The following POLA1 variants were observed in gnomAD, a reference collection of about 807,000 sequenced individuals.
The protein encoded by POLA1 is DNA polymerase alpha catalytic subunit.
POLA1 carries 15 observed loss-of-function variants against 124.0 expected under a neutral mutation model. The observed-to-expected ratio is 0.12, with a 90% CI of 0.08 to 0.19. The LOEUF is 0.19. Among genes scored for constraint, POLA1 ranks in the 10% least tolerant of loss-of-function variants. The probability of loss-of-function intolerance (pLI) is 1.00; values close to 1 mark genes in which losing one functional copy is unlikely to be tolerated. For missense variants in POLA1, 886 were observed against 1,103.4 expected (o/e 0.80, Z 2.79); for synonymous variants, 408 against 389.4 (o/e 1.05, Z -0.56).
chrX:24,948,929 A>G (rs995517126), intron 36 of POLA1, among the ~76,000 whole-genome samples: 1 of 112,391 alleles, frequency 8.9e-6, no homozygotes, highest in African/African-American at 3.2e-5. Context: ...TAAAACTTGC[A>G]TATAAAATCA....
chrX:24,784,066 T>G (rs2045318102), intron 26 of POLA1, among the ~76,000 whole-genome samples: 1 of 94,905 alleles, frequency 1.1e-5, no homozygotes, highest in African/African-American at 3.9e-5. Context: ...TTTCTTTTTT[T>G]TTTTTTTTTT....
chrX:24,789,163 A>G lies in POLA1; in HGVS notation c.2965-20735A>G, dbSNP rs890279197. ...AGTAGTGGAAGTCCTAGGCAGAGCA[A>G]TTAGGCAAGAGAAAAAAGTAAAAGG... On this transcript the variant is annotated intron_variant, in intron 26 of 36. Coordinates refer to ENST00000379068, the MANE Select transcript of POLA1 (RefSeq NM_001330360.2). 13 of 824,373 alleles carry G rather than the reference A, an allele frequency of 1.6e-5. No homozygotes were observed. The African/African-American group carries it at 1.7e-4, about 10-fold the overall frequency. 67.9% of individuals were successfully genotyped at this position (824,373 alleles called of 1,213,427 possible).
chrX:24,805,519 A>G (rs1468043272), intron 26 of POLA1, among the ~76,000 whole-genome samples: 2 of 112,227 alleles, frequency 1.8e-5, no homozygotes, highest in Non-Finnish European at 3.8e-5. Flanking sequence ...AAGGCATTTT[A>G]TATAATAGGT....
At chrX:24,812,927 T>A in intron 29 of POLA1, 64 bp downstream of exon 29, 1 of 606,321 alleles carries the variant, frequency 1.6e-6, no homozygotes, top group Non-Finnish European at 2.7e-6. Flanking sequence ...GTGAATGATG[T>A]AGAGAATGCT....
At chrX:24,747,883 C>T (rs1165629148) in intron 24 of POLA1, among the ~76,000 whole-genome samples, 1 of 110,057 alleles carries the variant, frequency 9.1e-6, no homozygotes, top group Admixed American at 9.6e-5. Context: ...TACAGGCGCC[C>T]GCCACCGCGC....
At chrX:24,875,610 C>A (rs2046919738) in intron 34 of POLA1, among the ~76,000 whole-genome samples, 1 of 111,922 alleles carries the variant, frequency 8.9e-6, no homozygotes, top group Admixed American at 9.5e-5. Context: ...ATTGTGATTT[C>A]TCTATGCTGA....
At chrX:24,906,445 A>G (rs2047366895) in intron 35 of POLA1, among the ~76,000 whole-genome samples, 1 of 109,414 alleles carries the variant, frequency 9.1e-6, no homozygotes, top group African/African-American at 3.3e-5. Flanking sequence ...ATAAGTGGGT[A>G]TGTTCCCACT....
chrX:24,804,575 C>A (rs2045769052), intron 26 of POLA1, among the ~76,000 whole-genome samples: 1 of 111,913 alleles, frequency 8.9e-6, no homozygotes, highest in African/African-American at 3.2e-5. Flanking sequence ...CCTTACTCAA[C>A]ATTTTCTTAA....
At chrX:24,932,873 G>T (rs967356880) in intron 36 of POLA1, among the ~76,000 whole-genome samples, 1 of 111,839 alleles carries the variant, frequency 8.9e-6, no homozygotes, top group Non-Finnish European at 1.9e-5. Flanking sequence ...TTCAGATCAT[G>T]CAGTAATGCT....
chrX:24,874,750 C>CT (rs2046909816), intron 34 of POLA1, among the ~76,000 whole-genome samples: 1 of 111,583 alleles, frequency 9.0e-6, no homozygotes. Context: ...CACCTGGGAA[C>CT]TTGTTAGAGA....
chrX:24,789,168 G>T, intron 26 of POLA1: 2 of 806,361 alleles, frequency 2.5e-6, no homozygotes, highest in Non-Finnish European at 3.6e-6. Flanking sequence ...GAGCAATTAG[G>T]CAAGAGAAAA....
chrX:24,714,515 T>C (rs1298680211), intron 4 of POLA1, 39 bp from the exon 5 acceptor site: 2 of 843,983 alleles, frequency 2.4e-6, no homozygotes, highest in African/African-American at 4.0e-5. Context: ...ATTTTGATTT[T>C]TGCTGATGCA....
chrX:24,834,111 G>GAAA (rs34596461), intron 32 of POLA1, among the ~76,000 whole-genome samples: 3 of 71,417 alleles, frequency 4.2e-5, no homozygotes, highest in African/African-American at 5.3e-5. Flanking sequence ...GTCTCAGAAA[G>GAAA]AAAAAAAAAA....
intron 35 of POLA1, among the ~76,000 whole-genome samples, chrX:24,927,310 C>T (rs1427400512): frequency 9.0e-6 from 1 of 111,563 alleles, no homozygotes; most frequent in Non-Finnish European, 1.9e-5. Context: ...ATGAAGTTTG[C>T]GTTGTTTCTA....
In POLA1 at chrX:24,712,015, C is replaced by T. The variant is rs184632737; in HGVS notation, c.347-2539C>T. ...TCTACAGCCTTACTAACAGTGTTTT[C>T]AAGCTTTTGAATTTTTGCCACTCTG... is the stretch of plus-strand genomic sequence containing the variant. On this transcript the variant is annotated intron_variant, in intron 4 of 36. Coordinates refer to ENST00000379068, the MANE Select transcript of POLA1 (RefSeq NM_001330360.2). Among the ~76,000 whole-genome samples, 5 of 112,681 alleles carry T rather than the reference C, an allele frequency of 4.4e-5. No individual in the cohort carries two copies. In the East Asian group the frequency reaches 1.4e-3, roughly 31 times the overall value.
At chrX:24,864,485 C>T (rs888962091) in intron 34 of POLA1, among the ~76,000 whole-genome samples, 1 of 111,651 alleles carries the variant, frequency 9.0e-6, no homozygotes, top group African/African-American at 3.3e-5. Context: ...AGCATTATAG[C>T]CAAACTCTTT....
chrX:24,990,005 A>G (rs755248788), intron 36 of POLA1, among the ~76,000 whole-genome samples: 24 of 112,038 alleles, frequency 2.1e-4, no homozygotes, highest in Non-Finnish European at 3.6e-4. Context: ...GTATACCTCA[A>G]TGATGGCGCT....
At chrX:24,759,248 A>C (rs1932757361) in intron 26 of POLA1, among the ~76,000 whole-genome samples, 1 of 112,076 alleles carries the variant, frequency 8.9e-6, no homozygotes, top group Non-Finnish European at 1.9e-5. Flanking sequence ...ATTTCTTATT[A>C]CTAGATTTTT....
intron 26 of POLA1, among the ~76,000 whole-genome samples, chrX:24,754,078 G>T (rs1932464520): frequency 1.8e-5 from 2 of 111,720 alleles, no homozygotes; most frequent in Admixed American, 1.9e-4. Flanking sequence ...CACCTATCAG[G>T]ATCCCTTGGG....
Sources: gnomAD v4.1 joint callset for allele counts (sites outside exome capture counted in the v4.1 genomes callset) on GRCh38, gnomAD v4.1.1 for gene constraint, MANE v1.5 for transcripts, NCBI Gene and HGNC (gene_info 2026-07-23, HGNC 2026-07-21) for gene names.